Variants in DCBLD1 observed in about 807,000 individuals in gnomAD.
DCBLD1 encodes the protein discoidin, CUB and LCCL domain containing 1.
DCBLD1 carries 57 observed loss-of-function variants against 71.5 expected under a neutral mutation model. That is an observed-to-expected ratio of 0.80 (90% confidence interval 0.64 to 0.99). The LOEUF is 0.99. DCBLD1 is among the 50% of genes least tolerant of loss of function. DCBLD1 has a pLI of 0.00. For missense variants in DCBLD1, 891 were observed against 923.5 expected (o/e 0.96, Z 0.46); for synonymous variants, 380 against 363.8 (o/e 1.04, Z -0.51).
At chr6:117,542,768 T>G (rs1779141671) in intron 11 of DCBLD1, among the ~76,000 whole-genome samples, 1 of 151,884 alleles carries the variant, frequency 6.6e-6, no homozygotes, top group South Asian at 2.1e-4. Flanking sequence ...TTAAATCATT[T>G]ACCTGTCTAA....
At chr6:117,492,371 G>T (rs1777322266) in intron 1 of DCBLD1, among the ~76,000 whole-genome samples, 1 of 152,184 alleles carries the variant, frequency 6.6e-6, no homozygotes, top group Non-Finnish European at 1.5e-5. Flanking sequence ...CATTTACTTT[G>T]TGTGCCCAAA....
intron 2 of DCBLD1, among the ~76,000 whole-genome samples, chr6:117,507,365 T>TA (rs1777877693): frequency 1.3e-5 from 2 of 152,222 alleles, no homozygotes; most frequent in South Asian, 4.1e-4. Context: ...TGTTTCCTAA[T>TA]ACAGACAAAA....
At chr6:117,529,689 A>G (rs1778652928) in intron 5 of DCBLD1, among the ~76,000 whole-genome samples, 1 of 152,246 alleles carries the variant, frequency 6.6e-6, no homozygotes, top group African/African-American at 2.4e-5. Flanking sequence ...TATTTTAAAG[A>G]AAATAATCCT....
At chr6:117,495,973 A>G (rs1367791707) in intron 1 of DCBLD1, among the ~76,000 whole-genome samples, 1 of 152,378 alleles carries the variant, frequency 6.6e-6, no homozygotes, top group South Asian at 2.1e-4. Flanking sequence ...ATTCATTTTC[A>G]TACATTCAGA....
chr6:117,488,113 G>A (rs1258358884), intron 1 of DCBLD1, among the ~76,000 whole-genome samples: 1 of 152,120 alleles, frequency 6.6e-6, no homozygotes, highest in African/African-American at 2.4e-5. Flanking sequence ...AGCATTGGAG[G>A]ATTCCCTAAG....
At chr6:117,514,073 TC>T (rs1287251811) in intron 2 of DCBLD1, among the ~76,000 whole-genome samples, 1 of 152,174 alleles carries the variant, frequency 6.6e-6, no homozygotes, top group African/African-American at 2.4e-5. Context: ...TAATTATTTT[TC>T]CCTCTCAATG....
At chr6:117,501,332 CATTGTT>C (rs1170423376) in intron 1 of DCBLD1, among the ~76,000 whole-genome samples, 8 of 151,682 alleles carry the variant, frequency 5.3e-5, no homozygotes, top group Middle Eastern at 3.4e-3. Context: ...TTTCAGTTGT[CATTGTT>C]GTTGTTGTTG....
intron 1 of DCBLD1, among the ~76,000 whole-genome samples, chr6:117,485,989 AAGAGGTT>A (rs1488201036): frequency 6.6e-6 from 1 of 152,372 alleles, no homozygotes; most frequent in African/African-American, 2.4e-5. Context: ...TCAGAGAAGA[AAGAGGTT>A]ATGTTAAAAA....
chr6:117,502,469 A>C (rs76481778), intron 1 of DCBLD1, among the ~76,000 whole-genome samples: 3,793 of 151,884 alleles, frequency 0.025, 66 homozygotes, highest in Non-Finnish European at 0.038. Context: ...TTTTCTTTTT[A>C]TTTTTTAATA....
rs149382656 is a variant in DCBLD1 at position 117,548,516 on chromosome 6, T to A, written c.*77T>A. ...GCACTGGAAGAAGGGAGCCTGCTGG[T>A]CCAGAGTGTGCGTGTGTATCGGTGT... On this transcript the variant is annotated 3_prime_UTR_variant, in exon 15 of 15. Transcript: ENST00000338728. 11,772 of 1,534,976 alleles carry A rather than the reference T, an allele frequency of 7.7e-3. 57 individuals are homozygous for A. The highest frequency in any genetic ancestry group is 8.6e-3 in the South Asian group (709 of 82,562).
intron 5 of DCBLD1, among the ~76,000 whole-genome samples, chr6:117,529,949 T>A (rs902580404): frequency 9.2e-5 from 14 of 152,238 alleles, no homozygotes; most frequent in Admixed American, 8.5e-4. Context: ...CCAATGATGC[T>A]GTTAGATCCT....
chr6:117,539,453 CATTA>C lies in DCBLD1; in HGVS notation c.1101+76_1101+79del, dbSNP rs1424378167. 8 of 1,452,476 alleles carry C rather than the reference CATTA, an allele frequency of 5.5e-6. No individual in the cohort carries two copies. In the African/African-American group the frequency reaches 1.2e-4, roughly 21 times the overall value. The allele number at this position is 1,452,476 out of a possible 1,614,324, so 90.0% of individuals were successfully genotyped here. On this transcript the variant is annotated intron_variant, in intron 9 of 14. Coordinates refer to ENST00000338728, the MANE Select transcript of DCBLD1 (RefSeq NM_001366458.2). ...CTATATATTTTCATCAATGTGTTTA[CATTA>C]AATATCTCATTAATAAAAGACAGTG...
rs74816558 is a variant in DCBLD1, at chr6:117,556,264, T to C, written c.1615+10667T>C. The stretch of plus-strand genomic sequence containing the variant: ...TTAGGGGGTAGAAGTGCAGGTTTTG[T>C]ACATGCATATATTGCGTAGTGGTGG... On this transcript the variant is annotated intron_variant, in intron 14 of 14. Coordinates refer to the DCBLD1 transcript ENST00000296955. Among the ~76,000 whole-genome samples, 893 of 152,322 alleles carry C rather than the reference T, an allele frequency of 5.9e-3. 3 individuals are homozygous for C. Among genetic ancestry groups the C allele is most frequent in the Middle Eastern group, 0.01 (3 of 294 alleles).
At chr6:117,494,402 A>G (rs886126803) in intron 1 of DCBLD1, among the ~76,000 whole-genome samples, 1 of 152,212 alleles carries the variant, frequency 6.6e-6, no homozygotes, top group African/African-American at 2.4e-5. Flanking sequence ...GAAAGCTAGC[A>G]TGTTCCAGCG....
chr6:117,523,214 GC>G (rs908900989), intron 4 of DCBLD1, among the ~76,000 whole-genome samples: 16 of 152,148 alleles, frequency 1.1e-4, no homozygotes, highest in African/African-American at 3.6e-4. Context: ...GCATTATGGT[GC>G]CAGATTATCT....
intron 2 of DCBLD1, among the ~76,000 whole-genome samples, chr6:117,516,607 C>G (rs1001874098): frequency 2.6e-5 from 4 of 152,090 alleles, no homozygotes; most frequent in Admixed American, 2.6e-4. Flanking sequence ...AGTTGGGTCA[C>G]GATCTTCTGA....
chr6:117,538,465 T>C (rs139766830), intron 7 of DCBLD1, among the ~76,000 whole-genome samples, 155 bp from the exon 8 acceptor site: 252 of 152,236 alleles, frequency 1.7e-3, no homozygotes, highest in African/African-American at 5.9e-3. Context: ...GAAATGCAAG[T>C]CTGGACCGTT....
chr6:117,518,471 G>A (rs1156515768), intron 2 of DCBLD1, among the ~76,000 whole-genome samples: 4 of 152,074 alleles, frequency 2.6e-5, no homozygotes, highest in Non-Finnish European at 5.9e-5. Context: ...ACATCTTCGG[G>A]TATCTTTTCA....
intron 5 of DCBLD1, 93 bp downstream of exon 5, chr6:117,525,527 A>G (rs2114504536): frequency 1.1e-6 from 1 of 931,126 alleles, no homozygotes; most frequent in Non-Finnish European, 1.5e-6. Flanking sequence ...CAAATGAGAT[A>G]TAAAACTCTA....
Sources: allele counts gnomAD v4.1 joint callset (sites outside exome capture counted in the v4.1 genomes callset), GRCh38; gene constraint gnomAD v4.1.1; transcripts MANE v1.5; gene names NCBI Gene and HGNC (gene_info 2026-07-23, HGNC 2026-07-21).